Variants in FSTL5 observed in about 807,000 individuals in gnomAD.
FSTL5 encodes the protein follistatin like 5.
In FSTL5, 62 loss-of-function variants were observed where a neutral mutation model predicts 89.1. The observed-to-expected ratio is 0.70, with a 90% CI of 0.57 to 0.86. FSTL5 has a LOEUF of 0.86. Among genes scored for constraint, FSTL5 ranks in the 40% least tolerant of loss-of-function variants. The pLI is 0.00. For missense variants in FSTL5, 1,057 were observed against 1,001.6 expected (o/e 1.06, Z -0.75); for synonymous variants, 383 against 346.2 (o/e 1.11, Z -1.18).
chr4:161,571,438 G>A (rs7691694), intron 8 of FSTL5, among the ~76,000 whole-genome samples: 72,420 of 151,660 alleles, frequency 0.48, 17,544 homozygotes, highest in Middle Eastern at 0.59. Flanking sequence ...TCTAGCAGAC[G>A]GCCCTCCCAA....
intron 6 of FSTL5, among the ~76,000 whole-genome samples, chr4:161,702,638 A>G (rs369573898): frequency 9.2e-5 from 14 of 152,312 alleles, no homozygotes; most frequent in African/African-American, 3.1e-4. Context: ...CCACAGCTGT[A>G]GAATGCTTTT....
intron 4 of FSTL5, among the ~76,000 whole-genome samples, chr4:161,872,141 G>GTTTTTTTTTTTTTTTT (rs1171950770): frequency 6.3e-5 from 5 of 79,556 alleles, no homozygotes; most frequent in African/African-American, 2.7e-4. Context: ...TTTTTTTTTG[G>GTTTTTTTTTTTTTTTT]TTTTTTTTTT....
chr4:162,129,493 A>C (rs1320555693), intron 1 of FSTL5, among the ~76,000 whole-genome samples: 1 of 152,232 alleles, frequency 6.6e-6, no homozygotes, highest in African/African-American at 2.4e-5. Flanking sequence ...GCAAGTTCTT[A>C]ATTAAAGCAC....
chr4:161,533,114 TC>T (rs1731478446), intron 10 of FSTL5, among the ~76,000 whole-genome samples: 1 of 149,032 alleles, frequency 6.7e-6, no homozygotes, highest in Non-Finnish European at 1.5e-5. Flanking sequence ...AATACCTGCA[TC>T]AAGAGGTTAG....
chr4:161,458,053 G>A (rs539708460), intron 14 of FSTL5, among the ~76,000 whole-genome samples: 37 of 152,286 alleles, frequency 2.4e-4, no homozygotes, highest in Non-Finnish European at 4.6e-4. Flanking sequence ...GATGCAGTGT[G>A]AGCGTCACAT....
chr4:161,638,262 G>A (rs1735804627), intron 7 of FSTL5, among the ~76,000 whole-genome samples: 1 of 151,554 alleles, frequency 6.6e-6, no homozygotes, highest in Non-Finnish European at 1.5e-5. Flanking sequence ...TTGGCTCTCT[G>A]TTTGTCTGTT....
At chr4:161,519,445 G>A (rs1308835805) in intron 10 of FSTL5, among the ~76,000 whole-genome samples, 1 of 152,116 alleles carries the variant, frequency 6.6e-6, no homozygotes, top group Non-Finnish European at 1.5e-5. Flanking sequence ...AGAATGGCCT[G>A]AACCCGGGAG....
intron 3 of FSTL5, among the ~76,000 whole-genome samples, chr4:161,937,544 T>C (rs1288474838): frequency 6.6e-6 from 1 of 152,032 alleles, no homozygotes; most frequent in Non-Finnish European, 1.5e-5. Context: ...AATAAAATGC[T>C]CTATCATACA....
intron 4 of FSTL5, among the ~76,000 whole-genome samples, chr4:161,908,283 A>T (rs1385879891): frequency 1.3e-5 from 2 of 151,998 alleles, no homozygotes; most frequent in Non-Finnish European, 2.9e-5. Flanking sequence ...CCAATACATG[A>T]TTATCATGTA....
At chr4:161,705,997 C>G (rs10026198) in intron 6 of FSTL5, among the ~76,000 whole-genome samples, 1 of 10,736 alleles carries the variant, frequency 9.3e-5, no homozygotes, top group African/African-American at 2.4e-4. Context: ...TATATATATA[C>G]ACACATCTAC....
intron 6 of FSTL5, among the ~76,000 whole-genome samples, chr4:161,678,216 G>GTA (rs1737378454): frequency 6.6e-6 from 1 of 151,678 alleles, no homozygotes; most frequent in African/African-American, 2.4e-5. Context: ...GTGTGTATGT[G>GTA]TATATATACA....
chr4:162,097,803 A>G (rs957836329), intron 2 of FSTL5, among the ~76,000 whole-genome samples: 1 of 152,012 alleles, frequency 6.6e-6, no homozygotes, highest in Non-Finnish European at 1.5e-5. Context: ...GAAATTAAAA[A>G]GACCAAAACA....
intron 3 of FSTL5, among the ~76,000 whole-genome samples, chr4:161,955,398 G>A (rs1447989948): frequency 3.3e-5 from 5 of 149,816 alleles, no homozygotes; most frequent in African/African-American, 9.8e-5. Flanking sequence ...TGTATAATGT[G>A]AACAAAAAAA....
intron 6 of FSTL5, among the ~76,000 whole-genome samples, chr4:161,757,173 G>T (rs1740599730): frequency 6.6e-6 from 1 of 151,966 alleles, no homozygotes; most frequent in Non-Finnish European, 1.5e-5. Context: ...ACTACCCTTT[G>T]CTCATCTCCA....
intron 4 of FSTL5, among the ~76,000 whole-genome samples, chr4:161,854,747 C>CTA (rs1731668541): frequency 6.6e-6 from 1 of 151,872 alleles, no homozygotes; most frequent in South Asian, 2.1e-4. Flanking sequence ...GGGATGAACT[C>CTA]TATAAACTAT....
intron 15 of FSTL5, among the ~76,000 whole-genome samples, chr4:161,398,830 C>T (rs1009612207): frequency 1.3e-5 from 2 of 151,966 alleles, no homozygotes; most frequent in Non-Finnish European, 2.9e-5. Context: ...GTCAACTATT[C>T]TGAGGAAATA....
At chr4:161,854,328 A>T (rs1731654091) in intron 4 of FSTL5, among the ~76,000 whole-genome samples, 1 of 152,234 alleles carries the variant, frequency 6.6e-6, no homozygotes, top group African/African-American at 2.4e-5. Context: ...TCCTCCAGGA[A>T]ATAAACTGAG....
chr4:161,621,708 T>C (rs1203484511), intron 7 of FSTL5, among the ~76,000 whole-genome samples: 5 of 151,680 alleles, frequency 3.3e-5, no homozygotes, highest in Admixed American at 6.6e-5. Flanking sequence ...CCAGGCGCAA[T>C]GGCTCACAGC....
chr4:161,534,290 A>G (rs1010447367), intron 10 of FSTL5, among the ~76,000 whole-genome samples: 3 of 152,120 alleles, frequency 2.0e-5, no homozygotes, highest in Admixed American at 6.6e-5. Context: ...AAGTCAAAGT[A>G]TCTCTCTTTG....
Sources: gnomAD v4.1 joint callset for allele counts (sites outside exome capture counted in the v4.1 genomes callset) on GRCh38, gnomAD v4.1.1 for gene constraint, MANE v1.5 for transcripts, NCBI Gene and HGNC (gene_info 2026-07-23, HGNC 2026-07-21) for gene names.